The following TMEM62 variants were observed in gnomAD, a reference collection of about 807,000 sequenced individuals.
TMEM62 encodes transmembrane protein 62.
TMEM62 carries 41 observed loss-of-function variants against 70.4 expected under a neutral mutation model. That is an observed-to-expected ratio of 0.58 (90% CI 0.45 to 0.76). TMEM62 has a LOEUF of 0.76. Among genes scored for constraint, TMEM62 ranks in the 30% least tolerant of loss-of-function variants. The pLI is 0.00. For missense variants in TMEM62, 688 were observed against 788.5 expected, an observed-to-expected ratio of 0.87 and a Z score of 1.53; for synonymous variants, 268 against 291.0, an observed-to-expected ratio of 0.92 and a Z score of 0.80.
chr15:43,138,126 G>A (rs1312664267), intron 3 of TMEM62, among the ~76,000 whole-genome samples: 1 of 152,132 alleles, frequency 6.6e-6, no homozygotes, highest in African/African-American at 2.4e-5. Context: ...AGATTCCAGG[G>A]TTTTAGCCAG....
At chr15:43,167,896 C>T (rs1191370188) in intron 10 of TMEM62, among the ~76,000 whole-genome samples, 1 of 152,110 alleles carries the variant, frequency 6.6e-6, no homozygotes, top group Non-Finnish European at 1.5e-5. Context: ...CCGAGGCTGG[C>T]GGATCACTCA....
rs1165934012 is a variant in TMEM62 at position 43,134,482 on chromosome 15, G to T, written c.292+114G>T. ...TGGGAGCAGTATAGCCACAGCCCCA[G>T]GTGAGCTCTGTGAGGTGGAAGAGAT... On this transcript the variant is annotated intron_variant, in intron 2 of 13. Coordinates refer to ENST00000260403, the MANE Select transcript of TMEM62 (RefSeq NM_024956.4). 10 of 767,988 alleles carry T rather than the reference G, an allele frequency of 1.3e-5. No individual in the cohort carries two copies. In the South Asian group the frequency reaches 1.4e-4, roughly 10 times the overall value. The allele number at this position is 767,988 out of a possible 1,614,324, so 47.6% of individuals were successfully genotyped here.
In TMEM62 at chr15:43,138,588, C is replaced by T. The variant is rs768834737; in HGVS notation, c.445C>T (p.Pro149Ser). 6.2e-5 allele frequency: 98 copies of T among 1,586,244 alleles called. No homozygotes were observed. Among genetic ancestry groups the T allele is most frequent in the Non-Finnish European group, 8.1e-5 (94 of 1,162,102 alleles). The stretch of plus-strand genomic sequence containing the variant: ...TTTTAAATTAGATGCATTCAATATT[C>T]CAAGTCTGGACAGCATCAAGAATTA... Reference protein sequence around the residue: ...IKGNHDAFNIPSLDSIKNYYR... With the variant: ...IKGNHDAFNISSLDSIKNYYR... The change falls in exon 4 of 14, where the codon CCA becomes TCA. Residue 149 changes from proline (P) to serine (S), a missense_variant. Physicochemically the swap from Pro to Ser is moderately conservative, Grantham distance 74 (BLOSUM62 -1). Coordinates refer to ENST00000260403, the MANE Select transcript of TMEM62 (RefSeq NM_024956.4).
Position 43,134,298 on chromosome 15 carries a change from A to G in TMEM62, c.222A>G (p.Arg74=), listed in dbSNP as rs1312084766. 2.5e-6 allele frequency: 4 copies of G among 1,614,082 alleles called. No homozygotes were observed. Among genetic ancestry groups the G allele is most frequent in the Non-Finnish European group, 3.4e-6 (4 of 1,180,048 alleles). The stretch of plus-strand genomic sequence containing the variant: ...TGAGCAGGTTTCGAGATCCAGGCAG[A>G]GCGGTAGACTTAGAGAAATTCTGTT... ...IHLSRFRDPG[R]AVDLEKFCSE... Residue 74 remains arginine, a synonymous_variant, in exon 2 of 14, where the codon AGA becomes AGG. Transcript: ENST00000260403.
chr15:43,142,600 A>G (rs1405917691), intron 4 of TMEM62, among the ~76,000 whole-genome samples: 1 of 152,172 alleles, frequency 6.6e-6, no homozygotes, highest in African/African-American at 2.4e-5. Flanking sequence ...ACCCTCCACC[A>G]GTAAAAAGAT....
At chr15:43,151,479 T>G (rs2037384194) in intron 7 of TMEM62, among the ~76,000 whole-genome samples, 1 of 152,142 alleles carries the variant, frequency 6.6e-6, no homozygotes, top group African/African-American at 2.4e-5. Context: ...AAAATTGTCT[T>G]AAAGTACAGG....
chr15:43,168,179 C>CGGAGAGGGAGAGGGAGAGGGAGAG (rs1198667187), intron 10 of TMEM62, among the ~76,000 whole-genome samples: 2 of 28,118 alleles, frequency 7.1e-5, no homozygotes, highest in African/African-American at 1.4e-4. Flanking sequence ...GAGACGGAGA[C>CGGAGAGGGAGAGGGAGAGGGAGAG]GGAGAGGGAG....
chr15:43,147,308 A>T (rs948464028), intron 5 of TMEM62, among the ~76,000 whole-genome samples: 1 of 152,202 alleles, frequency 6.6e-6, no homozygotes, highest in Non-Finnish European at 1.5e-5. Flanking sequence ...ATTGAAATCA[A>T]TAAGTTTATT....
At chr15:43,161,167 G>T (rs1276115476) in intron 10 of TMEM62, among the ~76,000 whole-genome samples, 2 of 152,052 alleles carry the variant, frequency 1.3e-5, no homozygotes, top group Non-Finnish European at 2.9e-5. Context: ...GTGGATAAAG[G>T]GGGACTATTG....
intron 8 of TMEM62, among the ~76,000 whole-genome samples, chr15:43,152,450 A>G (rs2037514542): frequency 6.6e-6 from 1 of 152,170 alleles, no homozygotes; most frequent in Non-Finnish European, 1.5e-5. Context: ...GCTGGAGTGC[A>G]GTGGCCTGAT....
chr15:43,176,928 A>T (rs1213865867), intron 11 of TMEM62, among the ~76,000 whole-genome samples: 3 of 152,062 alleles, frequency 2.0e-5, no homozygotes, highest in African/African-American at 4.8e-5. Flanking sequence ...CAAAGAAGTT[A>T]AAAACTTTGA....
At chr15:43,176,742 A>G (rs1660913546) in intron 11 of TMEM62, among the ~76,000 whole-genome samples, 1 of 152,038 alleles carries the variant, frequency 6.6e-6, no homozygotes, top group South Asian at 2.1e-4. Context: ...GGAAAAAAAC[A>G]GAGCAGAAAA....
At position 43,174,428 on chromosome 15, in the gene TMEM62, C is replaced by T. The variant is rs558362522; in HGVS notation, c.1382-4179C>T. 1.8e-4 allele frequency among the ~76,000 whole-genome samples: 28 copies of T among 152,084 alleles called. No homozygotes were observed. The South Asian group carries it at 3.3e-3, about 18-fold the overall frequency. Reference sequence around the variant, plus strand: ...TCTTATATTTATTTTAAAAATTCTACGAAAAAGTTCAAGAAGCATTATTAT... The same window carrying T: ...TCTTATATTTATTTTAAAAATTCTATGAAAAAGTTCAAGAAGCATTATTAT... On this transcript the variant is annotated intron_variant, in intron 11 of 13. Transcript: ENST00000260403.
At chr15:43,179,294 T>A (rs906731429) in intron 12 of TMEM62, among the ~76,000 whole-genome samples, 5 of 152,160 alleles carry the variant, frequency 3.3e-5, no homozygotes, top group Non-Finnish European at 7.3e-5. Context: ...TGTAGTTCAT[T>A]GAATATTTAC....
chr15:43,138,515 T>C, intron 3 of TMEM62, 59 bp from the exon 4 acceptor site: 1 of 1,318,016 alleles, frequency 7.6e-7, no homozygotes, highest in South Asian at 1.2e-5. Context: ...TTAAAGAAAA[T>C]GTTTGTATTC....
At position 43,154,561 on chromosome 15, in the gene TMEM62, A is replaced by G. The variant is rs144593465; in HGVS notation, c.1023-111A>G. On this transcript the variant is annotated intron_variant, in intron 8 of 13. Coordinates refer to ENST00000260403, the MANE Select transcript of TMEM62 (RefSeq NM_024956.4). ...ATAGTGGCTCCTGCTGTTGTACAAT[A>G]TGATGGTTCTGCCTATACGTGTATA... 1.8e-4 allele frequency: 156 copies of G among 874,426 alleles called. 1 individual carries two copies. The East Asian group carries it at 4.0e-3, about 22-fold the overall frequency. 54.2% of individuals were successfully genotyped at this position (874,426 alleles called of 1,614,324 possible). A position where few individuals can be genotyped will look rare whatever the true frequency, so the allele number is the denominator to read the frequency against.
At chr15:43,170,447 AGATGTCATT>A (rs1447762599) in intron 11 of TMEM62, among the ~76,000 whole-genome samples, 2 of 152,244 alleles carry the variant, frequency 1.3e-5, no homozygotes, top group African/African-American at 2.4e-5. Context: ...GAATAGGAAT[AGATGTCATT>A]GTGAAGTAAT....
intron 9 of TMEM62, among the ~76,000 whole-genome samples, chr15:43,159,014 C>G (rs1315766951): frequency 6.6e-6 from 1 of 152,142 alleles, no homozygotes; most frequent in Non-Finnish European, 1.5e-5. Flanking sequence ...TCCCAGTAGT[C>G]TTTGTTCGTT....
chr15:43,173,695 C>T (rs74009239), intron 11 of TMEM62, among the ~76,000 whole-genome samples: 3,122 of 152,148 alleles, frequency 0.021, 103 homozygotes, highest in African/African-American at 0.072. Flanking sequence ...CTGTTTTCTC[C>T]AGCCATTCCA....
Sources: gnomAD v4.1 joint callset for allele counts (sites outside exome capture counted in the v4.1 genomes callset) on GRCh38, gnomAD v4.1.1 for gene constraint, MANE v1.5 for transcripts, NCBI Gene and HGNC (gene_info 2026-07-23, HGNC 2026-07-21) for gene names.